The following KIT variants were observed in gnomAD, a reference collection of about 807,000 sequenced individuals.
KIT encodes mast/stem cell growth factor receptor Kit.
In KIT, 16 loss-of-function variants were observed where a neutral mutation model predicts 105.7. The ratio of observed to expected loss-of-function variants is 0.15; its 90% CI spans 0.10 to 0.23. The LOEUF (loss-of-function observed/expected upper bound fraction) is 0.23. Ranked by LOEUF, KIT falls within the 10% of genes least tolerant of loss-of-function variation. KIT has a pLI of 1.00. For synonymous variants in KIT, 438 were observed against 441.1 expected (o/e 0.99, Z 0.09); for missense variants, 858 against 1,213.8 (o/e 0.71, Z 4.36).
intron 1 of KIT, among the ~76,000 whole-genome samples, chr4:54,673,982 A>T (rs10461353): frequency 0.085 from 12,978 of 152,006 alleles, 688 homozygotes; most frequent in East Asian, 0.16. Context: ...TGTTGGCCAG[A>T]CTGGTCTTGA....
At chr4:54,708,386 G>A (rs954991939) in intron 6 of KIT, among the ~76,000 whole-genome samples, 2 of 152,086 alleles carry the variant, frequency 1.3e-5, no homozygotes, top group Non-Finnish European at 2.9e-5. Context: ...GAAGAGGCAT[G>A]GGAGGGAAAG....
At chr4:54,673,015 T>C (rs1718220795) in intron 1 of KIT, among the ~76,000 whole-genome samples, 1 of 152,216 alleles carries the variant, frequency 6.6e-6, no homozygotes, top group Admixed American at 6.5e-5. Flanking sequence ...CTGATGATAA[T>C]CTTATTTTCT....
chr4:54,738,364 T>G (rs2109817326), intron 20 of KIT, 65 bp from the exon 21 acceptor site: 13 of 1,572,650 alleles, frequency 8.3e-6, no homozygotes, highest in Non-Finnish European at 1.1e-5. Flanking sequence ...ACACTGTAAG[T>G]ATGCCTTTTG....
At chr4:54,729,991 C>G (rs939907728) in intron 14 of KIT, among the ~76,000 whole-genome samples, 6 of 152,178 alleles carry the variant, frequency 3.9e-5, no homozygotes. Context: ...GCCTCTTGCC[C>G]TTTTTATTTC....
rs1327657826 is a variant in KIT at position 54,740,497 on chromosome 4, T to A, written c.*1940T>A. On this transcript the variant is annotated 3_prime_UTR_variant, in exon 21 of 21. Transcript: ENST00000288135. ...TTAATGTTTGAAATTATTTTGTGGC[T>A]TTTTTTGTAAATATTGAAATGTAGC... The A allele has an allele frequency of 2.6e-5, 6 of 232,768 alleles. No homozygotes were observed. Among genetic ancestry groups the A allele is most frequent in the Non-Finnish European group, 5.1e-5 (6 of 117,560 alleles). 14.4% of individuals were successfully genotyped at this position (232,768 alleles called of 1,614,324 possible). A position where few individuals can be genotyped will look rare whatever the true frequency, so the allele number is the denominator to read the frequency against.
intron 1 of KIT, among the ~76,000 whole-genome samples, chr4:54,680,644 C>T (rs996614343): frequency 1.3e-5 from 2 of 152,078 alleles, no homozygotes; most frequent in South Asian, 4.2e-4. Flanking sequence ...CCACATGCCC[C>T]GGCCTCCCAA....
At chr4:54,658,560 TAGAG>T (rs1303578313) in intron 1 of KIT, among the ~76,000 whole-genome samples, 1 of 152,042 alleles carries the variant, frequency 6.6e-6, no homozygotes, top group Admixed American at 6.5e-5. Flanking sequence ...AGGGCAAAGT[TAGAG>T]AGCCCTTTCT....
intron 2 of KIT, among the ~76,000 whole-genome samples, chr4:54,697,014 G>T (rs1405105489): frequency 2.0e-5 from 3 of 152,198 alleles, no homozygotes; most frequent in Non-Finnish European, 4.4e-5. Context: ...ATTCTTCATA[G>T]GGAAAGTCAT....
At chr4:54,662,456 A>G (rs1353395295) in intron 1 of KIT, among the ~76,000 whole-genome samples, 1 of 152,228 alleles carries the variant, frequency 6.6e-6, no homozygotes, top group Non-Finnish European at 1.5e-5. Context: ...GCCTCATAGT[A>G]CAGGCTCAAT....
chr4:54,661,744 A>G (rs1717285744), intron 1 of KIT, among the ~76,000 whole-genome samples: 1 of 152,248 alleles, frequency 6.6e-6, no homozygotes, highest in Non-Finnish European at 1.5e-5. Flanking sequence ...TCCGGATTGA[A>G]GAAGGCCTGG....
intron 7 of KIT, among the ~76,000 whole-genome samples, chr4:54,721,561 AT>A (rs1225627454): frequency 1.3e-5 from 2 of 152,176 alleles, no homozygotes; most frequent in Non-Finnish European, 2.9e-5. Flanking sequence ...TTTTGTGTAT[AT>A]TAGCCAAATG....
At chr4:54,673,864 A>G (rs1718283137) in intron 1 of KIT, among the ~76,000 whole-genome samples, 1 of 152,066 alleles carries the variant, frequency 6.6e-6, no homozygotes, top group African/African-American at 2.4e-5. Context: ...CTGCCTCCCT[A>G]GTTCAAGTGA....
At chr4:54,691,896 G>A (rs1012626465) in intron 1 of KIT, among the ~76,000 whole-genome samples, 3 of 152,220 alleles carry the variant, frequency 2.0e-5, no homozygotes, top group Middle Eastern at 3.4e-3. Context: ...TGTGCTGCCC[G>A]AGAGGGGGAA....
In KIT at chr4:54,658,090, C is replaced by A. The variant is rs377340910; in HGVS notation, c.67+9C>A. On this transcript the variant is annotated intron_variant, in intron 1 of 20. Coordinates refer to ENST00000288135, the MANE Select transcript of KIT (RefSeq NM_000222.3). ...GCTTCGCGTCCAGACAGGTGGGACACCGCGGCTGGCACCCCGACCGTGCGA... is the reference window on the plus strand; with the variant it reads ...GCTTCGCGTCCAGACAGGTGGGACAACGCGGCTGGCACCCCGACCGTGCGA... 4 of 1,613,488 alleles carry A rather than the reference C, an allele frequency of 2.5e-6. No individual in the cohort carries two copies. Among genetic ancestry groups the A allele is most frequent in the Non-Finnish European group, 2.5e-6 (3 of 1,179,568 alleles).
intron 1 of KIT, among the ~76,000 whole-genome samples, chr4:54,684,965 ACC>A (rs1214482622): frequency 2.0e-5 from 3 of 151,990 alleles, no homozygotes; most frequent in African/African-American, 7.3e-5. Flanking sequence ...CCAACCTACT[ACC>A]TTGTCCTGAG....
intron 11 of KIT, 87 bp from the exon 12 acceptor site, chr4:54,727,736 C>A: frequency 1.5e-6 from 2 of 1,318,288 alleles, no homozygotes; most frequent in South Asian, 1.2e-5. Context: ...TTTTTAATTC[C>A]TTTATTGATT....
Position 54,737,252 on chromosome 4 carries a change from A to G in KIT, c.2774A>G (p.Glu925Gly), listed in dbSNP as rs1578008376. ...TTCAAGCAAATTGTTCAGCTAATTGAGAAGCAGATTTCAGAGAGCACCAAT... is the reference window on the plus strand; with the variant it reads ...TTCAAGCAAATTGTTCAGCTAATTGGGAAGCAGATTTCAGAGAGCACCAAT... ...PTFKQIVQLI[E>G]KQISESTNHI... is the part of the protein sequence containing the mutation. Residue 925 changes from glutamate to glycine, a missense_variant, in exon 20 of 21, where the codon GAG (glutamate) becomes GGG (glycine). Transcript: ENST00000288135. 2.5e-6 allele frequency: 4 copies of G among 1,613,394 alleles called. No individual in the cohort carries two copies. Among genetic ancestry groups the G allele is most frequent in the Non-Finnish European group, 3.4e-6 (4 of 1,179,332 alleles).
chr4:54,688,701 T>A (rs1303007490), intron 1 of KIT, among the ~76,000 whole-genome samples: 1 of 152,176 alleles, frequency 6.6e-6, no homozygotes, highest in Non-Finnish European at 1.5e-5. Flanking sequence ...AATTGCAGTC[T>A]CAACTAGTCT....
intron 16 of KIT, 47 bp downstream of exon 16, chr4:54,732,045 A>ATTTTTTTTTTTTTTTTTTTTTTTTTTTTT: frequency 3.4e-6 from 3 of 887,878 alleles, no homozygotes; most frequent in Non-Finnish European, 4.7e-6. Flanking sequence ...TGTTTTTTTG[A>ATTTTTTTTTTTTTTTTTTTTTTTTTTTTT]TTTTTTTTTT....
Sources: allele counts gnomAD v4.1 joint callset (sites outside exome capture counted in the v4.1 genomes callset), GRCh38; gene constraint gnomAD v4.1.1; transcripts MANE v1.5; gene names NCBI Gene and HGNC (gene_info 2026-07-23, HGNC 2026-07-21).